Variants in SRGAP2 observed in about 807,000 individuals in gnomAD.
The protein encoded by SRGAP2 is SLIT-ROBO Rho GTPase-activating protein 2.
SRGAP2 carries 15 observed loss-of-function variants against 57.2 expected under a neutral mutation model. That is an observed-to-expected ratio of 0.26 (90% CI 0.18 to 0.40). The LOEUF (loss-of-function observed/expected upper bound fraction) is 0.40, where lower values mean the gene tolerates loss of function less well. Ranked by LOEUF, SRGAP2 falls within the 10% of genes least tolerant of loss-of-function variation. The pLI is 1.00. For missense variants in SRGAP2, 520 were observed against 669.6 expected (o/e 0.78, Z 2.47); for synonymous variants, 249 against 248.0 (o/e 1.00, Z -0.04).
rs1666791612 is a variant in SRGAP2, at chr1:206,218,468, AG to A, written c.67+12433del. Among the ~76,000 whole-genome samples the A allele has an allele frequency of 2.1e-5, 3 of 143,990 alleles. No individual in the cohort carries two copies. In the South Asian group the frequency reaches 7.1e-4, roughly 34 times the overall value. 94.5% of individuals were successfully genotyped at this position (143,990 alleles called of 152,430 possible). ...TGGCTGCTGCACACTTATGGAGGGT[AG>A]GCCCCAGGTGGTAGGTAGTACCAGA... is the stretch of plus-strand genomic sequence containing the variant. On this transcript the variant is annotated intron_variant, in intron 2 of 22. Coordinates refer to ENST00000573034, the MANE Select transcript of SRGAP2 (RefSeq NM_015326.5).
chr1:206,434,404 C>T lies in SRGAP2; in HGVS notation c.1556-2561C>T, dbSNP rs78936046. Among the ~76,000 whole-genome samples the T allele has an allele frequency of 7.2e-3, 1,099 of 152,316 alleles. 7 individuals carry two copies. Among genetic ancestry groups the T allele is most frequent in the Middle Eastern group, 0.037 (11 of 294 alleles). ...AATTCTCCAGGAGAACAACTTTTGG[C>T]AATGGTTGGATCCCGTGCACAATGG... is the stretch of plus-strand genomic sequence containing the variant. On this transcript the variant is annotated intron_variant, in intron 14 of 22. Transcript: ENST00000573034.
chr1:206,346,662 G>C (rs1333104530), intron 4 of SRGAP2, among the ~76,000 whole-genome samples: 1 of 152,040 alleles, frequency 6.6e-6, no homozygotes, highest in Non-Finnish European at 1.5e-5. Flanking sequence ...GCTTAGAAAA[G>C]ATACCTTAAT....
chr1:206,267,277 C>T (rs1669920345), intron 2 of SRGAP2, among the ~76,000 whole-genome samples: 1 of 152,176 alleles, frequency 6.6e-6, no homozygotes, highest in South Asian at 2.1e-4. Context: ...CACTTTCAAA[C>T]ATTCATGGCG....
intron 11 of SRGAP2, among the ~76,000 whole-genome samples, chr1:206,418,361 GT>G (rs1558410416): frequency 6.6e-6 from 1 of 152,196 alleles, no homozygotes; most frequent in East Asian, 1.9e-4. Context: ...GAGCTGAACT[GT>G]AAGCAACAAT....
chr1:206,309,489 G>A, intron 3 of SRGAP2, among the ~76,000 whole-genome samples: 1 of 150,274 alleles, frequency 6.7e-6, no homozygotes, highest in African/African-American at 2.5e-5. Flanking sequence ...AAAGTTGGGG[G>A]AGTGGAAAGG....
At chr1:206,395,813 G>A (rs1657525276) in intron 7 of SRGAP2, among the ~76,000 whole-genome samples, 1 of 148,378 alleles carries the variant, frequency 6.7e-6, no homozygotes, top group Admixed American at 6.7e-5. Flanking sequence ...GAGGTATTTT[G>A]TACCTTATTT....
chr1:206,246,981 A>C (rs1308303603), intron 2 of SRGAP2, among the ~76,000 whole-genome samples: 1 of 138,932 alleles, frequency 7.2e-6, no homozygotes, highest in Non-Finnish European at 1.6e-5. Context: ...TTTTCCTCGG[A>C]TCCACAATTA....
intron 3 of SRGAP2, among the ~76,000 whole-genome samples, chr1:206,307,486 G>GAT: frequency 6.6e-6 from 1 of 152,196 alleles, no homozygotes; most frequent in African/African-American, 2.4e-5. Context: ...GATGGGACTG[G>GAT]GCGCCATGGA....
intron 11 of SRGAP2, among the ~76,000 whole-genome samples, 199 bp downstream of exon 11, chr1:206,416,172 CACTA>C (rs1236693392): frequency 6.6e-6 from 1 of 152,188 alleles, no homozygotes; most frequent in Non-Finnish European, 1.5e-5. Flanking sequence ...CTTAATGAAG[CACTA>C]ACGTGTATCA....
At position 206,461,419 on chromosome 1, in the gene SRGAP2, G is replaced by A. The variant is rs1553380753; in HGVS notation, c.3215G>A (p.Ter1072=). The A allele has an allele frequency of 1.3e-6, 1 of 753,432 alleles. No homozygotes were observed. The highest frequency in any genetic ancestry group is 2.5e-6 in the Non-Finnish European group (1 of 401,462). 46.7% of individuals were successfully genotyped at this position (753,432 alleles called of 1,614,324 possible). ...TCTACTGACAAGTCTTGTACTGTCT[G>A]AGGGATAATAATTTAATTGTTCTAG... ...PQSTDKSCTV[*] Residue 1072 remains the stop codon, a stop_retained_variant, in exon 23 of 23, where the codon TGA becomes TAA. Coordinates refer to ENST00000573034, the MANE Select transcript of SRGAP2 (RefSeq NM_015326.5).
intron 4 of SRGAP2, among the ~76,000 whole-genome samples, chr1:206,359,796 C>CCCTTTTTTTTTT (rs1558345475): frequency 2.9e-5 from 3 of 103,662 alleles, no homozygotes; most frequent in African/African-American, 1.4e-4. Context: ...AGGGATATTG[C>CCCTTTTTTTTTT]TCTTTTTTTT....
intron 2 of SRGAP2, among the ~76,000 whole-genome samples, chr1:206,244,782 G>A (rs1227694088): frequency 6.6e-6 from 1 of 152,034 alleles, no homozygotes; most frequent in African/African-American, 2.4e-5. Flanking sequence ...AGAGGTTATA[G>A]CCAGGGCGCC....
At chr1:206,410,464 T>C (rs1438293877) in intron 10 of SRGAP2, among the ~76,000 whole-genome samples, 1 of 152,234 alleles carries the variant, frequency 6.6e-6, no homozygotes, top group Non-Finnish European at 1.5e-5. Context: ...ATAAAGTTTC[T>C]TTTCATTCCT....
intron 2 of SRGAP2, among the ~76,000 whole-genome samples, chr1:206,300,961 A>G (rs1434305969): frequency 6.6e-6 from 1 of 152,086 alleles, no homozygotes; most frequent in Non-Finnish European, 1.5e-5. Context: ...CTGCCCATCC[A>G]TATCCCCTGT....
At chr1:206,376,003 G>T (rs1553344482) in intron 4 of SRGAP2, among the ~76,000 whole-genome samples, 1 of 149,678 alleles carries the variant, frequency 6.7e-6, no homozygotes, top group East Asian at 2.0e-4. Flanking sequence ...TTGATGGGTG[G>T]TTTTGGTATT....
intron 7 of SRGAP2, among the ~76,000 whole-genome samples, chr1:206,399,036 C>A (rs1553354613): frequency 6.6e-6 from 1 of 152,176 alleles, no homozygotes; most frequent in Admixed American, 6.5e-5. Flanking sequence ...TGTTAGCCTA[C>A]AACAAACTGT....
chr1:206,367,819 A>G (rs1228313035), intron 4 of SRGAP2, among the ~76,000 whole-genome samples: 2 of 151,848 alleles, frequency 1.3e-5, no homozygotes, highest in Non-Finnish European at 2.9e-5. Flanking sequence ...AGACCTACTC[A>G]TAGGGAAATG....
chr1:206,215,043 T>C (rs1318145999), intron 2 of SRGAP2, among the ~76,000 whole-genome samples: 2 of 141,728 alleles, frequency 1.4e-5, no homozygotes, highest in Admixed American at 7.1e-5. Context: ...AGTTGTGTAG[T>C]GCAATGCAAA....
At chr1:206,429,948 T>C (rs1474497741) in intron 13 of SRGAP2, among the ~76,000 whole-genome samples, 2 of 152,136 alleles carry the variant, frequency 1.3e-5, no homozygotes, top group Non-Finnish European at 2.9e-5. Flanking sequence ...TGATCAGTTT[T>C]GTTTAGGACA....
Sources: gnomAD v4.1 joint callset for allele counts (sites outside exome capture counted in the v4.1 genomes callset) on GRCh38, gnomAD v4.1.1 for gene constraint, MANE v1.5 for transcripts, NCBI Gene and HGNC (gene_info 2026-07-23, HGNC 2026-07-21) for gene names.